Variants in NFATC3 observed in about 807,000 individuals in gnomAD.
The protein encoded by NFATC3 is nuclear factor of activated T-cells, cytoplasmic 3.
NFATC3 carries 46 observed loss-of-function variants against 98.6 expected under a neutral mutation model. That is an observed-to-expected ratio of 0.47 (90% confidence interval 0.37 to 0.60). The LOEUF is 0.60. NFATC3 is among the 20% of genes least tolerant of loss of function. The probability of loss-of-function intolerance (pLI) is 0.00; values close to 1 mark genes in which losing one functional copy is unlikely to be tolerated. For synonymous variants in NFATC3, 512 were observed against 472.2 expected (o/e 1.08, Z -1.09); for missense variants, 1,256 against 1,295.5 (o/e 0.97, Z 0.47).
intron 1 of NFATC3, among the ~76,000 whole-genome samples, chr16:68,109,711 A>G (rs887558135): frequency 1.3e-5 from 2 of 151,962 alleles, no homozygotes; most frequent in East Asian, 1.9e-4. Flanking sequence ...TCCTGGGCTT[A>G]TTTTGGTTGG....
chr16:68,144,627 G>A (rs896756175), intron 3 of NFATC3, among the ~76,000 whole-genome samples: 11 of 151,956 alleles, frequency 7.2e-5, no homozygotes, highest in African/African-American at 2.2e-4. Context: ...TTACAGGCGT[G>A]AGCCACTGCG....
intron 4 of NFATC3, among the ~76,000 whole-genome samples, chr16:68,165,268 A>G (rs2151592317): frequency 6.6e-6 from 1 of 152,230 alleles, no homozygotes; most frequent in South Asian, 2.1e-4. Context: ...TTAGTTTTCA[A>G]AATTGTTGCA....
chr16:68,174,292 A>T, intron 5 of NFATC3, 82 bp from the exon 6 acceptor site: 1 of 1,131,780 alleles, frequency 8.8e-7, no homozygotes, highest in Non-Finnish European at 1.2e-6. Flanking sequence ...TTCTTTTTGT[A>T]GCTTGAGTTT....
At chr16:68,170,401 AAAG>A (rs2039404073) in intron 5 of NFATC3, among the ~76,000 whole-genome samples, 1 of 151,590 alleles carries the variant, frequency 6.6e-6, no homozygotes, top group Admixed American at 6.6e-5. Flanking sequence ...AAAAAAAAAA[AAAG>A]CACAAAATGG....
chr16:68,145,195 G>A (rs1375763308), intron 3 of NFATC3, among the ~76,000 whole-genome samples: 1 of 151,034 alleles, frequency 6.6e-6, no homozygotes, highest in African/African-American at 2.4e-5. Context: ...CCAGGCTGGA[G>A]TGCAGTGATG....
At chr16:68,086,903 C>T in intron 1 of NFATC3, 6 of 586,838 alleles carry the variant, frequency 1.0e-5, no homozygotes, top group Non-Finnish European at 1.3e-5. Context: ...TTTTCAATTC[C>T]ATTAACATAA....
At chr16:68,095,596 C>T (rs372896640) in intron 1 of NFATC3, among the ~76,000 whole-genome samples, 18 of 152,098 alleles carry the variant, frequency 1.2e-4, no homozygotes, top group African/African-American at 3.4e-4. Context: ...TCAGGTGATC[C>T]GCCTGCCTCG....
At chr16:68,121,930 G>A in intron 1 of NFATC3, 57 bp from the exon 2 acceptor site, 2 of 1,508,800 alleles carry the variant, frequency 1.3e-6, no homozygotes, top group Non-Finnish European at 1.8e-6. Flanking sequence ...TTATACATCT[G>A]AGTTTTCTAA....
At chr16:68,208,670 G>C (rs57408712) in intron 9 of NFATC3, among the ~76,000 whole-genome samples, 20,844 of 151,830 alleles carry the variant, frequency 0.14, 1,491 homozygotes, top group South Asian at 0.2. Context: ...ACAGAAGTTG[G>C]AGTGAACCAA....
chr16:68,145,557 A>C (rs2151549919), intron 3 of NFATC3, among the ~76,000 whole-genome samples: 1 of 152,348 alleles, frequency 6.6e-6, no homozygotes, highest in African/African-American at 2.4e-5. Flanking sequence ...TAAACTGTTG[A>C]TACATGCAAC....
chr16:68,170,708 G>C (rs1270798186), intron 5 of NFATC3, among the ~76,000 whole-genome samples: 1 of 151,942 alleles, frequency 6.6e-6, no homozygotes, highest in Non-Finnish European at 1.5e-5. Context: ...GGTCACAGTG[G>C]TCTTGAACTC....
chr16:68,186,922 G>A (rs2040227988), intron 8 of NFATC3, among the ~76,000 whole-genome samples: 1 of 152,212 alleles, frequency 6.6e-6, no homozygotes, highest in Non-Finnish European at 1.5e-5. Context: ...GGATCCTTGA[G>A]GTGTCACTTT....
chr16:68,144,490 T>A (rs1479681049), intron 3 of NFATC3, among the ~76,000 whole-genome samples: 1 of 152,068 alleles, frequency 6.6e-6, no homozygotes, highest in African/African-American at 2.4e-5. Flanking sequence ...TCGTAACAAC[T>A]ATGTATTATC....
chr16:68,199,215 A>G (rs2040799844), intron 9 of NFATC3, among the ~76,000 whole-genome samples: 1 of 146,446 alleles, frequency 6.8e-6, no homozygotes, highest in South Asian at 2.2e-4. Context: ...GACCCTGTTT[A>G]TTTTTTTTTT....
intron 9 of NFATC3, among the ~76,000 whole-genome samples, chr16:68,215,125 T>C (rs2041583408): frequency 6.6e-6 from 1 of 152,196 alleles, no homozygotes; most frequent in Non-Finnish European, 1.5e-5. Context: ...TATTTTAAAA[T>C]GAATCTGGAT....
At chr16:68,097,114 A>G (rs1018150220) in intron 1 of NFATC3, among the ~76,000 whole-genome samples, 2 of 152,150 alleles carry the variant, frequency 1.3e-5, no homozygotes, top group Admixed American at 1.3e-4. Flanking sequence ...TGAGTAAGGA[A>G]AGGGAAGGAG....
chr16:68,094,547 A>T (rs926055606), intron 1 of NFATC3, among the ~76,000 whole-genome samples: 6 of 152,082 alleles, frequency 3.9e-5, no homozygotes, highest in Non-Finnish European at 8.8e-5. Context: ...GCCATCTGCC[A>T]TTTATTCTTC....
intron 3 of NFATC3, among the ~76,000 whole-genome samples, chr16:68,155,416 T>C (rs2038555152): frequency 6.6e-6 from 1 of 152,146 alleles, no homozygotes; most frequent in Non-Finnish European, 1.5e-5. Context: ...ACCCAAGATC[T>C]AGTAACATAG....
At chr16:68,175,219 C>G (rs2039636422) in intron 6 of NFATC3, among the ~76,000 whole-genome samples, 1 of 152,186 alleles carries the variant, frequency 6.6e-6, no homozygotes, top group South Asian at 2.1e-4. Flanking sequence ...CCAGTATAGG[C>G]AATCCAGAAA....
Sources: gnomAD v4.1 joint callset for allele counts (sites outside exome capture counted in the v4.1 genomes callset) on GRCh38, gnomAD v4.1.1 for gene constraint, MANE v1.5 for transcripts, NCBI Gene and HGNC (gene_info 2026-07-23, HGNC 2026-07-21) for gene names.